The following XKR4 variants were observed in gnomAD, a reference collection of about 807,000 sequenced individuals.
The protein encoded by XKR4 is XK related 4, also known as XK-related protein 4.
XKR4 carries 12 observed loss-of-function variants against 53.9 expected under a neutral mutation model. That is an observed-to-expected ratio of 0.22 (90% CI 0.14 to 0.36). The LOEUF (loss-of-function observed/expected upper bound fraction) is 0.36. XKR4 is among the 10% of genes least tolerant of loss of function. The probability of loss-of-function intolerance (pLI) is 1.00; values close to 1 mark genes in which losing one functional copy is unlikely to be tolerated. For missense variants in XKR4, 799 were observed against 859.5 expected (o/e 0.93, Z 0.88); for synonymous variants, 354 against 362.4 (o/e 0.98, Z 0.26).
In XKR4 at chr8:55,296,501, C is replaced by T. The variant is rs566643832; in HGVS notation, c.807-61177C>T. On this transcript the variant is annotated intron_variant, in intron 1 of 2. Coordinates refer to ENST00000327381, the MANE Select transcript of XKR4 (RefSeq NM_052898.2). The stretch of plus-strand genomic sequence containing the variant: ...ATTACCTTTTCAAAAGCCTTTTGCA[C>T]CTTTTTCCATCCTCCAATTTGCCAA... 5.1e-4 allele frequency among the ~76,000 whole-genome samples: 78 copies of T among 152,068 alleles called. 1 individual carries two copies. Among genetic ancestry groups the T allele is most frequent in the Admixed American group, 1.2e-3 (19 of 15,254 alleles).
In XKR4 at chr8:55,533,216, A is replaced by G. The variant is rs1806979341; in HGVS notation, c.*8989A>G. ...TAGAAAATGAGCACTTTGTGTGTTG[A>G]GCGCTGTTGCATTCACTTAGCAATT... On this transcript the variant is annotated 3_prime_UTR_variant, in exon 3 of 3. Coordinates refer to ENST00000327381, the MANE Select transcript of XKR4 (RefSeq NM_052898.2). 6.6e-6 allele frequency: 1 copy of G among 152,172 alleles called. No individual in the cohort carries two copies. Among genetic ancestry groups the G allele is most frequent in the African/African-American group, 2.4e-5 (1 of 41,442 alleles). The allele number at this position is 152,172 out of a possible 1,614,324, so 9.4% of individuals were successfully genotyped here.
At chr8:55,191,484 T>A (rs1351455218) in intron 1 of XKR4, among the ~76,000 whole-genome samples, 3 of 152,184 alleles carry the variant, frequency 2.0e-5, no homozygotes, top group Non-Finnish European at 2.9e-5. Context: ...TTACTAAAGA[T>A]CATGATCTGC....
chr8:55,398,580 G>A (rs1186181028), intron 2 of XKR4, among the ~76,000 whole-genome samples: 1 of 152,106 alleles, frequency 6.6e-6, no homozygotes, highest in Non-Finnish European at 1.5e-5. Context: ...CTTTGCTTGG[G>A]CATTAATTGG....
At chr8:55,438,879 A>G (rs1395725747) in intron 2 of XKR4, among the ~76,000 whole-genome samples, 8 of 152,198 alleles carry the variant, frequency 5.3e-5, no homozygotes, top group Non-Finnish European at 8.8e-5. Flanking sequence ...TCACTTGGAG[A>G]GCATCTGTTC....
intron 1 of XKR4, chr8:55,273,003 C>T: frequency 2.4e-6 from 1 of 419,672 alleles, no homozygotes; most frequent in Admixed American, 2.8e-5. Flanking sequence ...AATGCCTCAG[C>T]CTGTCTCTAA....
chr8:55,361,321 A>T (rs1803903605), intron 2 of XKR4, among the ~76,000 whole-genome samples: 1 of 152,004 alleles, frequency 6.6e-6, no homozygotes, highest in East Asian at 1.9e-4. Context: ...GGAAAGTGGG[A>T]TGGGGAGAAG....
chr8:55,522,860 C>T (rs1438723343), intron 2 of XKR4, among the ~76,000 whole-genome samples: 2 of 152,200 alleles, frequency 1.3e-5, no homozygotes, highest in East Asian at 3.9e-4. Flanking sequence ...AGTAGCATTC[C>T]TATTAGCTTC....
intron 1 of XKR4, among the ~76,000 whole-genome samples, chr8:55,294,333 A>G (rs1819071943): frequency 6.6e-6 from 1 of 152,088 alleles, no homozygotes; most frequent in African/African-American, 2.4e-5. Flanking sequence ...TACACCAACT[A>G]CTCCCATCTT....
At position 55,528,811 on chromosome 8, in the gene XKR4, T is replaced by A. The variant is rs1806911350; in HGVS notation, c.*4584T>A. 2.6e-5 allele frequency: 4 copies of A among 152,020 alleles called. No individual in the cohort carries two copies. In the South Asian group the frequency reaches 8.3e-4, roughly 32 times the overall value. The allele number at this position is 152,020 out of a possible 1,614,324, so 9.4% of individuals were successfully genotyped here. A position where few individuals can be genotyped will look rare whatever the true frequency, so the allele number is the denominator to read the frequency against. ...ATCGCTTGTGTCAGCTTCTGACTCA[T>A]AACACTCCTCCCACCTGATGCTCCA... On this transcript the variant is annotated 3_prime_UTR_variant, in exon 3 of 3. Coordinates refer to ENST00000327381, the MANE Select transcript of XKR4 (RefSeq NM_052898.2).
At chr8:55,251,050 T>C (rs983955923) in intron 1 of XKR4, among the ~76,000 whole-genome samples, 5 of 152,218 alleles carry the variant, frequency 3.3e-5, no homozygotes, top group Non-Finnish European at 7.4e-5. Flanking sequence ...GCTGTAGGTA[T>C]AGGTGTACGT....
chr8:55,165,920 A>G (rs1817059573), intron 1 of XKR4, among the ~76,000 whole-genome samples: 1 of 152,246 alleles, frequency 6.6e-6, no homozygotes, highest in Admixed American at 6.5e-5. Context: ...GAGAAAAAGT[A>G]ACCACTTGCC....
intron 2 of XKR4, among the ~76,000 whole-genome samples, chr8:55,472,581 G>C (rs759415796): frequency 3.9e-5 from 6 of 152,020 alleles, no homozygotes; most frequent in Non-Finnish European, 8.8e-5. Context: ...CAGCAACAAG[G>C]GGGAGAAAAA....
chr8:55,128,410 G>A (rs1396377328), intron 1 of XKR4, among the ~76,000 whole-genome samples: 1 of 152,136 alleles, frequency 6.6e-6, no homozygotes, highest in Non-Finnish European at 1.5e-5. Flanking sequence ...CCACTGAGAG[G>A]TAACTGAAGA....
At chr8:55,379,471 C>T (rs985762843) in intron 2 of XKR4, among the ~76,000 whole-genome samples, 1 of 152,218 alleles carries the variant, frequency 6.6e-6, no homozygotes, top group Non-Finnish European at 1.5e-5. Flanking sequence ...TTTCCTCATG[C>T]ATTCAACGCG....
chr8:55,189,789 C>T (rs931127353), intron 1 of XKR4, among the ~76,000 whole-genome samples: 6 of 152,178 alleles, frequency 3.9e-5, no homozygotes, highest in Non-Finnish European at 7.3e-5. Flanking sequence ...AGTCTCCTTT[C>T]TGCCACCATT....
chr8:55,312,621 T>A (rs1302856644), intron 1 of XKR4, among the ~76,000 whole-genome samples: 1 of 152,208 alleles, frequency 6.6e-6, no homozygotes, highest in Admixed American at 6.5e-5. Context: ...AAATTCTTTA[T>A]GTTGGAATGT....
At chr8:55,171,817 C>T (rs944752829) in intron 1 of XKR4, among the ~76,000 whole-genome samples, 4 of 152,106 alleles carry the variant, frequency 2.6e-5, no homozygotes, top group African/African-American at 9.7e-5. Context: ...ATTCCCTGTT[C>T]TCCATCTGTG....
In XKR4 at chr8:55,535,955, G is replaced by T. The variant is rs1807026214; in HGVS notation, c.*11728G>T. 1 of 152,170 alleles carries T rather than the reference G, an allele frequency of 6.6e-6. No homozygotes were observed. Among genetic ancestry groups the T allele is most frequent in the Admixed American group, 6.5e-5 (1 of 15,278 alleles). The allele number at this position is 152,170 out of a possible 1,614,324, so 9.4% of individuals were successfully genotyped here. On this transcript the variant is annotated 3_prime_UTR_variant, in exon 3 of 3. Coordinates refer to ENST00000327381, the MANE Select transcript of XKR4 (RefSeq NM_052898.2). ...GGGTTCTAAGATAAGGTATTCCAAG[G>T]TATTGTAAGTTACCCTTGTTTGTAG...
At chr8:55,120,409 T>A (rs888404140) in intron 1 of XKR4, among the ~76,000 whole-genome samples, 2 of 152,100 alleles carry the variant, frequency 1.3e-5, no homozygotes, top group African/African-American at 4.8e-5. Context: ...TGGTGAGCTA[T>A]AGGTGCCTGA....
Sources: gnomAD v4.1 joint callset for allele counts (sites outside exome capture counted in the v4.1 genomes callset) on GRCh38, gnomAD v4.1.1 for gene constraint, MANE v1.5 for transcripts, NCBI Gene and HGNC (gene_info 2026-07-23, HGNC 2026-07-21) for gene names.